Variants in CBLB observed in about 807,000 individuals in gnomAD.
CBLB encodes E3 ubiquitin-protein ligase CBL-B.
A neutral mutation model predicts 104.9 loss-of-function variants in CBLB; 31 were observed. The observed-to-expected ratio is 0.30, with a 90% CI of 0.22 to 0.40. CBLB has a LOEUF of 0.40. Among genes scored for constraint, CBLB ranks in the 10% least tolerant of loss-of-function variants. The pLI, the probability that CBLB is intolerant of heterozygous loss-of-function variation, is 1.00. For missense variants in CBLB, 1,062 were observed against 1,214.6 expected (o/e 0.87, Z 1.87); for synonymous variants, 440 against 422.6 (o/e 1.04, Z -0.51).
At chr3:105,775,202 G>T (rs2079312733) in intron 4 of CBLB, among the ~76,000 whole-genome samples, 2 of 152,040 alleles carry the variant, frequency 1.3e-5, no homozygotes, top group African/African-American at 4.8e-5. Flanking sequence ...CTCCTTTAGT[G>T]CCTAAAAATA....
At chr3:105,702,961 G>A (rs572441522) in intron 11 of CBLB, among the ~76,000 whole-genome samples, 1 of 152,224 alleles carries the variant, frequency 6.6e-6, no homozygotes, top group African/African-American at 2.4e-5. Flanking sequence ...GGGGGCAAAT[G>A]TGCTCTGCTT....
At chr3:105,843,254 T>C (rs1292369909) in intron 3 of CBLB, among the ~76,000 whole-genome samples, 4 of 152,188 alleles carry the variant, frequency 2.6e-5, no homozygotes, top group African/African-American at 9.6e-5. Context: ...ATCCTCAAAT[T>C]GATTTCCTAA....
At chr3:105,661,422 C>T (rs914027808) in intron 18 of CBLB, among the ~76,000 whole-genome samples, 3 of 152,108 alleles carry the variant, frequency 2.0e-5, no homozygotes, top group South Asian at 2.1e-4. Context: ...TTATTGAAAG[C>T]TTTCCTTTAA....
intron 2 of CBLB, among the ~76,000 whole-genome samples, chr3:105,865,271 G>A (rs75260404): frequency 0.075 from 11,383 of 152,154 alleles, 588 homozygotes; most frequent in East Asian, 0.29. Flanking sequence ...TCTATTTACT[G>A]TATCTTACAG....
chr3:105,713,035 C>T (rs1284309874), intron 10 of CBLB, among the ~76,000 whole-genome samples: 3 of 152,072 alleles, frequency 2.0e-5, no homozygotes, highest in South Asian at 2.1e-4. Flanking sequence ...TTTGGGAGGC[C>T]GAAGTGGAAG....
intron 3 of CBLB, among the ~76,000 whole-genome samples, chr3:105,831,636 T>C (rs971035192): frequency 4.6e-5 from 7 of 152,308 alleles, no homozygotes; most frequent in African/African-American, 1.7e-4. Flanking sequence ...GGGGAGAAAA[T>C]AAATCATCAG....
intron 8 of CBLB, among the ~76,000 whole-genome samples, chr3:105,736,096 A>C (rs984102031): frequency 2.6e-5 from 4 of 152,220 alleles, no homozygotes; most frequent in Admixed American, 2.6e-4. Flanking sequence ...ACTGTCTTAA[A>C]AAAAGCTGTA....
chr3:105,665,806 G>A (rs576841922), intron 18 of CBLB, among the ~76,000 whole-genome samples: 10 of 150,968 alleles, frequency 6.6e-5, no homozygotes, highest in South Asian at 6.3e-4. Flanking sequence ...CGAGGTGGGC[G>A]GATCACAAGG....
intron 3 of CBLB, among the ~76,000 whole-genome samples, chr3:105,808,312 G>C (rs924515202): frequency 1.3e-5 from 2 of 151,526 alleles, no homozygotes; most frequent in African/African-American, 2.4e-5. Flanking sequence ...ACTTATAAAA[G>C]ATCTTTAAAC....
chr3:105,869,057 C>A (rs1352387253), upstream of CBLB: 2 of 288,936 alleles, frequency 6.9e-6, no homozygotes, highest in Non-Finnish European at 1.3e-5. Flanking sequence ...CGGGGCGGGG[C>A]GGGGCGGGGG....
At chr3:105,688,198 A>G (rs987265440) in intron 13 of CBLB, among the ~76,000 whole-genome samples, 1 of 152,132 alleles carries the variant, frequency 6.6e-6, no homozygotes, top group South Asian at 2.1e-4. Context: ...ACTCCACATT[A>G]AAGCCTACCA....
intron 3 of CBLB, among the ~76,000 whole-genome samples, chr3:105,828,765 A>G (rs900729186): frequency 2.0e-5 from 3 of 152,224 alleles, no homozygotes; most frequent in Non-Finnish European, 4.4e-5. Context: ...TTTTACAAAT[A>G]AACTTTATTT....
At chr3:105,785,484 T>A (rs185212875) in intron 3 of CBLB, among the ~76,000 whole-genome samples, 1 of 152,310 alleles carries the variant, frequency 6.6e-6, no homozygotes, top group Admixed American at 6.5e-5. Flanking sequence ...ATTAATGCTA[T>A]ATCCCTCATG....
At chr3:105,751,734 G>T in intron 4 of CBLB, 116 bp from the exon 5 acceptor site, 1 of 786,206 alleles carries the variant, frequency 1.3e-6, no homozygotes, top group Non-Finnish European at 2.2e-6. Context: ...TGTACTACCA[G>T]ACAAATATTT....
chr3:105,657,298 T>C lies in CBLB; in HGVS notation c.*1672A>G, dbSNP rs1047526938. The C allele has an allele frequency of 1.3e-4, 29 of 219,936 alleles. No individual in the cohort carries two copies. The highest frequency in any genetic ancestry group is 6.0e-4 in the African/African-American group (27 of 44,746). The allele number at this position is 219,936 out of a possible 1,614,324, so 13.6% of individuals were successfully genotyped here. A position where few individuals can be genotyped will look rare whatever the true frequency, so the allele number is the denominator to read the frequency against. On this transcript the variant is annotated 3_prime_UTR_variant, in exon 19 of 19. Transcript: ENST00000394030. Reference sequence around the variant, plus strand: ...TCCTGAAGGCAGGCTCACTCTCTGATGCATCTTTTTATATCATGGTGGGTG... The same window carrying C: ...TCCTGAAGGCAGGCTCACTCTCTGACGCATCTTTTTATATCATGGTGGGTG...
At chr3:105,827,521 G>T (rs563807078) in intron 3 of CBLB, among the ~76,000 whole-genome samples, 2 of 151,984 alleles carry the variant, frequency 1.3e-5, no homozygotes, top group African/African-American at 2.4e-5. Flanking sequence ...CAGAAGTAAC[G>T]CCAGGAACCT....
Position 105,681,583 on chromosome 3 carries a change from G to GGATCAGAGGCT in CBLB, c.2313_2323dup (p.Pro775GlnfsTer39). On this transcript the variant is annotated frameshift_variant, in exon 16 of 19. Coordinates refer to ENST00000394030, the MANE Select transcript of CBLB (RefSeq NM_170662.5). LOFTEE classifies it high-confidence loss of function. ...AGGCCTGGCAGGTGGTAATGGCACG[G>GGATCAGAGGCT]GATCAGAGGCTGAATCAAAAACATC... 6.2e-7 allele frequency: 1 copy of GGATCAGAGGCT among 1,614,014 alleles called. No individual in the cohort carries two copies. Among genetic ancestry groups the GGATCAGAGGCT allele is most frequent in the Non-Finnish European group, 8.5e-7 (1 of 1,179,936 alleles).
chr3:105,844,742 G>T (rs1390033579), intron 3 of CBLB, among the ~76,000 whole-genome samples: 2 of 152,148 alleles, frequency 1.3e-5, no homozygotes, highest in Non-Finnish European at 2.9e-5. Context: ...AATTAGCACT[G>T]AATGCTAATC....
At chr3:105,809,952 A>G (rs539663343) in intron 3 of CBLB, among the ~76,000 whole-genome samples, 1 of 152,334 alleles carries the variant, frequency 6.6e-6, no homozygotes, top group East Asian at 1.9e-4. Flanking sequence ...AACAAAATAT[A>G]AGCTAGCATA....
Sources: allele counts gnomAD v4.1 joint callset (sites outside exome capture counted in the v4.1 genomes callset), GRCh38; gene constraint gnomAD v4.1.1; transcripts MANE v1.5; gene names NCBI Gene and HGNC (gene_info 2026-07-23, HGNC 2026-07-21).